The following CHST11 variants were observed in gnomAD, a reference collection of about 807,000 sequenced individuals.
CHST11 encodes the protein C4S-1.
Under a neutral mutation model 30.4 loss-of-function variants are expected in CHST11, and 9 were observed. The observed-to-expected ratio is 0.30, with a 90% confidence interval of 0.18 to 0.52. CHST11 has a LOEUF of 0.52. Among genes scored for constraint, CHST11 ranks in the 20% least tolerant of loss-of-function variants. The pLI is 0.97. For synonymous variants in CHST11, 152 were observed against 187.8 expected (o/e 0.81, Z 1.56); for missense variants, 348 against 460.6 (o/e 0.76, Z 2.24).
At chr12:104,509,914 T>C (rs542235769) in intron 1 of CHST11, among the ~76,000 whole-genome samples, 2 of 152,358 alleles carry the variant, frequency 1.3e-5, no homozygotes, top group Non-Finnish European at 1.5e-5. Context: ...GTAGGTGTTC[T>C]TGGTTGGGGA....
At chr12:104,609,524 G>T (rs1305987021) in intron 2 of CHST11, among the ~76,000 whole-genome samples, 1 of 152,212 alleles carries the variant, frequency 6.6e-6, no homozygotes, top group Non-Finnish European at 1.5e-5. Flanking sequence ...AGCCAGGAAG[G>T]ATTTCCAGTC....
At chr12:104,733,395 G>T (rs533636781) in intron 2 of CHST11, among the ~76,000 whole-genome samples, 1 of 152,306 alleles carries the variant, frequency 6.6e-6, no homozygotes, top group African/African-American at 2.4e-5. Flanking sequence ...TCAGGAAAGG[G>T]CCTTGCCTGA....
intron 1 of CHST11, among the ~76,000 whole-genome samples, chr12:104,561,652 A>G (rs139881458): frequency 5.3e-5 from 8 of 152,324 alleles, no homozygotes; most frequent in African/African-American, 1.9e-4. Context: ...AGTCTAATGG[A>G]AAACAACGCC....
intron 2 of CHST11, among the ~76,000 whole-genome samples, chr12:104,626,987 G>T (rs1238187978): frequency 6.6e-6 from 1 of 151,964 alleles, no homozygotes; most frequent in Non-Finnish European, 1.5e-5. Flanking sequence ...AAATCCTGTG[G>T]GTCTACCTGT....
intron 1 of CHST11, among the ~76,000 whole-genome samples, chr12:104,515,994 A>G (rs189258222): frequency 6.6e-6 from 1 of 152,342 alleles, no homozygotes; most frequent in East Asian, 1.9e-4. Context: ...TAAAAAAATT[A>G]TTTTATCTTC....
intron 1 of CHST11, among the ~76,000 whole-genome samples, chr12:104,504,885 T>C (rs974235307): frequency 6.6e-6 from 1 of 152,068 alleles, no homozygotes; most frequent in Non-Finnish European, 1.5e-5. Context: ...AGGGGGAGCC[T>C]TAATCAATAT....
At chr12:104,727,553 G>C (rs963840754) in intron 2 of CHST11, among the ~76,000 whole-genome samples, 1 of 152,228 alleles carries the variant, frequency 6.6e-6, no homozygotes, top group African/African-American at 2.4e-5. Context: ...TGGTAGAGTG[G>C]AGATGATAAG....
chr12:104,484,608 A>G (rs1434268459), intron 1 of CHST11, among the ~76,000 whole-genome samples: 3 of 152,226 alleles, frequency 2.0e-5, no homozygotes, highest in Admixed American at 1.3e-4. Flanking sequence ...AATGCAGGGT[A>G]AGTGTTTGGC....
At chr12:104,615,794 G>A (rs1302264431) in intron 2 of CHST11, among the ~76,000 whole-genome samples, 8 of 152,182 alleles carry the variant, frequency 5.3e-5, no homozygotes, top group Admixed American at 5.2e-4. Context: ...CAGGCGTGGT[G>A]GCGGGCACCT....
chr12:104,517,313 G>A (rs1246055621), intron 1 of CHST11, among the ~76,000 whole-genome samples: 1 of 152,146 alleles, frequency 6.6e-6, no homozygotes, highest in Non-Finnish European at 1.5e-5. Flanking sequence ...TCTTGAAGCC[G>A]ATTTAATCCT....
chr12:104,553,739 G>A (rs1477533457), intron 1 of CHST11, among the ~76,000 whole-genome samples: 6 of 152,268 alleles, frequency 3.9e-5, no homozygotes, highest in South Asian at 2.1e-4. Context: ...CCAGCATTGC[G>A]AATTACAATT....
chr12:104,683,274 C>G (rs1346577780), intron 2 of CHST11, among the ~76,000 whole-genome samples: 1 of 152,120 alleles, frequency 6.6e-6, no homozygotes, highest in African/African-American at 2.4e-5. Context: ...CATGCTAGCT[C>G]CCCACCCCAA....
intron 1 of CHST11, among the ~76,000 whole-genome samples, chr12:104,538,474 A>G (rs1435902536): frequency 1.3e-5 from 2 of 151,866 alleles, no homozygotes; most frequent in Non-Finnish European, 2.9e-5. Flanking sequence ...GCTCTTTCCC[A>G]CTCTTCCCCT....
At chr12:104,619,524 G>C (rs1050008515) in intron 2 of CHST11, among the ~76,000 whole-genome samples, 3 of 152,130 alleles carry the variant, frequency 2.0e-5, no homozygotes, top group African/African-American at 7.2e-5. Flanking sequence ...CCACTGGGTC[G>C]TGTTTCGAGC....
At chr12:104,573,305 G>A (rs2038648029) in intron 1 of CHST11, among the ~76,000 whole-genome samples, 1 of 151,902 alleles carries the variant, frequency 6.6e-6, no homozygotes, top group African/African-American at 2.4e-5. Flanking sequence ...TATAGATTCA[G>A]TGCCATCCCC....
intron 1 of CHST11, among the ~76,000 whole-genome samples, chr12:104,574,473 T>C (rs1222933883): frequency 6.6e-6 from 1 of 152,160 alleles, no homozygotes; most frequent in African/African-American, 2.4e-5. Context: ...TGTCCAACAA[T>C]GATAGACTGG....
chr12:104,691,680 G>A (rs1454484942), intron 2 of CHST11, among the ~76,000 whole-genome samples: 1 of 152,008 alleles, frequency 6.6e-6, no homozygotes, highest in Non-Finnish European at 1.5e-5. Flanking sequence ...CATACAGTTG[G>A]GGTTTCACCA....
chr12:104,502,712 A>G (rs2037863327), intron 1 of CHST11, among the ~76,000 whole-genome samples: 1 of 152,210 alleles, frequency 6.6e-6, no homozygotes, highest in South Asian at 2.1e-4. Context: ...TAAGAGAGAC[A>G]CCAGCGTGGG....
chr12:104,655,940 C>CT (rs2136084831), intron 2 of CHST11, among the ~76,000 whole-genome samples: 1 of 152,298 alleles, frequency 6.6e-6, no homozygotes, highest in African/African-American at 2.4e-5. Context: ...GCTGAAGTCT[C>CT]TATGATTTTC....
Sources: allele counts gnomAD v4.1 joint callset (sites outside exome capture counted in the v4.1 genomes callset), GRCh38; gene constraint gnomAD v4.1.1; transcripts MANE v1.5; gene names NCBI Gene and HGNC (gene_info 2026-07-23, HGNC 2026-07-21).